SNX29: variants seen among roughly 807,000 people sequenced by gnomAD.
The protein encoded by SNX29 is sorting nexin-29.
Under a neutral mutation model 102.1 loss-of-function variants are expected in SNX29, and 78 were observed. The ratio of observed to expected loss-of-function variants is 0.76; its 90% CI spans 0.64 to 0.92. SNX29 has a LOEUF of 0.92. SNX29 is among the 40% of genes least tolerant of loss of function. The pLI is 0.00. For missense variants in SNX29, 1,280 were observed against 1,061.7 expected (o/e 1.21, Z -2.86); for synonymous variants, 580 against 414.5 (o/e 1.40, Z -4.85).
intron 20 of SNX29, among the ~76,000 whole-genome samples, chr16:12,549,227 G>A (rs948996362): frequency 6.6e-6 from 1 of 152,206 alleles, no homozygotes; most frequent in Non-Finnish European, 1.5e-5. Flanking sequence ...CAGCCATGGT[G>A]GCTCATCCCT....
At chr16:12,209,914 G>C (rs552526128) in intron 14 of SNX29, among the ~76,000 whole-genome samples, 2 of 152,206 alleles carry the variant, frequency 1.3e-5, no homozygotes, top group Non-Finnish European at 2.9e-5. Flanking sequence ...GGGCTGAGAA[G>C]GGTAGCAGGT....
chr16:12,539,233 C>CTTCACCCTAAAAAGCTGTTTTCCCCTCA (rs2077214971), intron 20 of SNX29, among the ~76,000 whole-genome samples: 2 of 152,184 alleles, frequency 1.3e-5, no homozygotes, highest in Non-Finnish European at 2.9e-5. Context: ...AGACCAGTTC[C>CTTCACCCTAAAAAGCTGTTTTCCCCTCA]TTCACCCTAA....
intron 14 of SNX29, among the ~76,000 whole-genome samples, chr16:12,211,983 G>GT (rs1242967957): frequency 6.6e-6 from 1 of 152,168 alleles, no homozygotes; most frequent in Non-Finnish European, 1.5e-5. Context: ...CACCTAGAAA[G>GT]TAGTAGAGCC....
chr16:12,381,003 T>C (rs1405615661), intron 16 of SNX29, among the ~76,000 whole-genome samples: 1 of 47,154 alleles, frequency 2.1e-5, no homozygotes, highest in African/African-American at 9.9e-5. Flanking sequence ...CCACCCACCA[T>C]CCATCCACCC....
At chr16:12,233,062 G>C (rs2077817688) in intron 14 of SNX29, among the ~76,000 whole-genome samples, 1 of 152,090 alleles carries the variant, frequency 6.6e-6, no homozygotes, top group Non-Finnish European at 1.5e-5. Flanking sequence ...TGATTTGCTG[G>C]AAATGCCTTC....
At chr16:12,558,604 C>T (rs1312708134) in intron 20 of SNX29, among the ~76,000 whole-genome samples, 2 of 152,344 alleles carry the variant, frequency 1.3e-5, no homozygotes, top group South Asian at 4.1e-4. Flanking sequence ...TCTGCCACAG[C>T]TGCTCACACA....
At chr16:11,979,771 A>G (rs556674391) in intron 1 of SNX29, among the ~76,000 whole-genome samples, 1 of 151,872 alleles carries the variant, frequency 6.6e-6, no homozygotes, top group Non-Finnish European at 1.5e-5. Context: ...TTTAGTAGAG[A>G]TGGAGTTTCG....
chr16:12,535,197 G>A (rs572229706), intron 20 of SNX29, among the ~76,000 whole-genome samples: 11 of 152,310 alleles, frequency 7.2e-5, no homozygotes, highest in Admixed American at 6.5e-4. Context: ...GGAGTGCAGT[G>A]GTGTGATTTC....
chr16:12,397,751 T>C (rs1004841160), intron 16 of SNX29, among the ~76,000 whole-genome samples: 1 of 152,186 alleles, frequency 6.6e-6, no homozygotes, highest in Non-Finnish European at 1.5e-5. Flanking sequence ...GTGACAGCTG[T>C]GAGAATCAGT....
intron 18 of SNX29, among the ~76,000 whole-genome samples, chr16:12,418,879 G>T (rs1051304044): frequency 1.3e-5 from 2 of 152,114 alleles, no homozygotes; most frequent in African/African-American, 4.8e-5. Context: ...TACACAGTCA[G>T]CCCAGAAGTC....
chr16:12,278,638 A>G (rs1260036055), intron 15 of SNX29, among the ~76,000 whole-genome samples: 1 of 150,952 alleles, frequency 6.6e-6, no homozygotes, highest in Non-Finnish European at 1.5e-5. Flanking sequence ...GAGGGTTTTT[A>G]TACGTCTCTA....
At chr16:12,467,604 G>GTTCGTTCA (rs1362458417) in intron 18 of SNX29, among the ~76,000 whole-genome samples, 1 of 142,914 alleles carries the variant, frequency 7.0e-6, no homozygotes, top group Non-Finnish European at 1.5e-5. Context: ...TCATTCGTTT[G>GTTCGTTCA]TTCGTTTGTT....
At chr16:12,105,201 C>A (rs953198198) in intron 11 of SNX29, among the ~76,000 whole-genome samples, 17 of 140,866 alleles carry the variant, frequency 1.2e-4, no homozygotes, top group Non-Finnish European at 2.7e-4. Context: ...TCCTTCCTCC[C>A]TTCCTCCCTC....
intron 10 of SNX29, among the ~76,000 whole-genome samples, chr16:12,074,883 T>C (rs1379135248): frequency 1.3e-5 from 2 of 152,210 alleles, no homozygotes; most frequent in Non-Finnish European, 2.9e-5. Context: ...CTTTTTTCTC[T>C]CAAATTCCCT....
intron 3 of SNX29, among the ~76,000 whole-genome samples, chr16:12,019,506 C>A (rs2056952203): frequency 6.6e-6 from 1 of 151,608 alleles, no homozygotes; most frequent in Non-Finnish European, 1.5e-5. Context: ...CGCCTGGCAA[C>A]TATGACCAGT....
chr16:12,103,149 A>G (rs562557896), intron 11 of SNX29, among the ~76,000 whole-genome samples: 27 of 152,382 alleles, frequency 1.8e-4, no homozygotes, highest in Admixed American at 6.5e-4. Context: ...TATAGATTCA[A>G]TGCTATTCCC....
chr16:12,264,065 G>T lies in SNX29; in HGVS notation c.1679-13868G>T, dbSNP rs1032846170. On this transcript the variant is annotated intron_variant, in intron 14 of 20. Coordinates refer to ENST00000566228, the MANE Select transcript of SNX29 (RefSeq NM_032167.5). ...GATGCCTCCTCTGATGTTAACCTAC[G>T]AGAAAGGTGTGATTATTCTCTTTGT... Among the ~76,000 whole-genome samples, 3 of 152,186 alleles carry T rather than the reference G, an allele frequency of 2.0e-5. No individual in the cohort carries two copies. In the South Asian group the frequency reaches 6.2e-4, roughly 32 times the overall value.
intron 13 of SNX29, among the ~76,000 whole-genome samples, chr16:12,152,863 C>T (rs2055357227): frequency 6.6e-6 from 1 of 152,212 alleles, no homozygotes; most frequent in Non-Finnish European, 1.5e-5. Context: ...GAGCAAGGTC[C>T]TTTTGTGTTC....
rs1232638386 is a variant in SNX29, at chr16:12,098,321, G to A, written c.1402+19406G>A. ...ACTCAAAAGGTACGTATGGGATACC[G>A]TAAAGGATTTCTCTTCCACTCCCAC... On this transcript the variant is annotated intron_variant, in intron 11 of 20. Coordinates refer to ENST00000566228, the MANE Select transcript of SNX29 (RefSeq NM_032167.5). The surrounding 1 kb of genome is among the most constrained non-coding windows in gnomAD (Gnocchi z 6.0). Among the ~76,000 whole-genome samples the A allele has an allele frequency of 2.6e-5, 4 of 152,138 alleles. No homozygotes were observed. Among genetic ancestry groups the A allele is most frequent in the East Asian group, 1.9e-4 (1 of 5,196 alleles).
Sources: gnomAD v4.1 joint callset for allele counts (sites outside exome capture counted in the v4.1 genomes callset) on GRCh38, gnomAD v4.1.1 for gene constraint, Gnocchi (gnomAD v3.1) non-coding constraint, MANE v1.5 for transcripts, NCBI Gene and HGNC (gene_info 2026-07-23, HGNC 2026-07-21) for gene names.